The following HPSE2 variants were observed in gnomAD, a reference collection of about 807,000 sequenced individuals.
HPSE2 encodes heparanase 2 (inactive).
In HPSE2, 38 loss-of-function variants were observed where a neutral mutation model predicts 60.5. The ratio of observed to expected loss-of-function variants is 0.63; its 90% CI spans 0.48 to 0.82. The LOEUF (loss-of-function observed/expected upper bound fraction) is 0.82. HPSE2 is among the 40% of genes least tolerant of loss of function. HPSE2 has a pLI of 0.00. For missense variants in HPSE2, 713 were observed against 740.4 expected (o/e 0.96, Z 0.43); for synonymous variants, 295 against 293.2 (o/e 1.01, Z -0.06).
At chr10:98,574,579 C>A (rs1417255301) in intron 9 of HPSE2, among the ~76,000 whole-genome samples, 1 of 152,172 alleles carries the variant, frequency 6.6e-6, no homozygotes, top group Non-Finnish European at 1.5e-5. Context: ...TCTGGAACCA[C>A]TCTGATCCCA....
chr10:98,829,721 C>G (rs1411913202), intron 3 of HPSE2, among the ~76,000 whole-genome samples: 2 of 151,852 alleles, frequency 1.3e-5, no homozygotes, highest in African/African-American at 4.8e-5. Flanking sequence ...AACAAAAAAC[C>G]AAAAACTTTA....
rs572638284 is a variant in HPSE2, at chr10:98,554,923, C to T, written c.1320+59981G>A. On this transcript the variant is annotated intron_variant, in intron 9 of 11. Coordinates refer to ENST00000370552, the MANE Select transcript of HPSE2 (RefSeq NM_021828.5). The stretch of plus-strand genomic sequence containing the variant: ...ACTTTATTTGCTTAATAGTTTAAAT[C>T]ACCCAAGGCCTAACATTACTACCAA... 2.0e-5 allele frequency among the ~76,000 whole-genome samples: 3 copies of T among 152,270 alleles called. No individual in the cohort carries two copies. In the South Asian group the frequency reaches 6.2e-4, roughly 32 times the overall value.
chr10:99,313,648 G>A, the HPSE2 span, among the ~76,000 whole-genome samples: 7 of 136,574 alleles, frequency 5.1e-5, no homozygotes, highest in South Asian at 2.3e-4. Flanking sequence ...TCGCCAGGCC[G>A]GAATACAGTG....
chr10:98,975,567 C>A (rs1448576209), intron 3 of HPSE2, among the ~76,000 whole-genome samples: 2 of 151,874 alleles, frequency 1.3e-5, no homozygotes, highest in Admixed American at 1.3e-4. Flanking sequence ...ATATCTGGCT[C>A]AATCAGTGTT....
At position 99,201,710 on chromosome 10, in the gene HPSE2, C is replaced by A. The variant is rs150244338; in HGVS notation, c.448+30638G>T. 4.6e-5 allele frequency among the ~76,000 whole-genome samples: 7 copies of A among 152,168 alleles called. No individual in the cohort carries two copies. The East Asian group carries it at 1.3e-3, about 29-fold the overall frequency. ...TTTGTGAAACACAAACAAGAGTATC[C>A]CTGCCTTTCCAAATACTCCTGATTA... is the stretch of plus-strand genomic sequence containing the variant. On this transcript the variant is annotated intron_variant, in intron 2 of 11. Transcript: ENST00000370552.
At chr10:98,762,403 T>C (rs1428383422) in intron 3 of HPSE2, among the ~76,000 whole-genome samples, 1 of 151,606 alleles carries the variant, frequency 6.6e-6, no homozygotes, top group Non-Finnish European at 1.5e-5. Flanking sequence ...AGAGAGAAAA[T>C]GTTCGGGGCT....
chr10:99,008,269 T>C (rs1956935640), intron 3 of HPSE2, among the ~76,000 whole-genome samples: 1 of 152,244 alleles, frequency 6.6e-6, no homozygotes, highest in Admixed American at 6.5e-5. Context: ...TTTCTTTTTT[T>C]ACACTAGCAA....
chr10:98,989,964 G>A (rs1231739663), intron 3 of HPSE2, among the ~76,000 whole-genome samples: 1 of 152,098 alleles, frequency 6.6e-6, no homozygotes, highest in Non-Finnish European at 1.5e-5. Flanking sequence ...ATTTTGCCTA[G>A]AGTTAGCTTG....
intron 3 of HPSE2, among the ~76,000 whole-genome samples, chr10:98,762,213 C>A (rs2134390605): frequency 6.8e-6 from 1 of 147,688 alleles, no homozygotes; most frequent in South Asian, 2.1e-4. Context: ...GGAAGAATTT[C>A]CTTTTTAAAA....
chr10:98,731,742 A>G (rs2134285837), intron 4 of HPSE2, among the ~76,000 whole-genome samples: 1 of 152,332 alleles, frequency 6.6e-6, no homozygotes, highest in African/African-American at 2.4e-5. Context: ...CTTGCCACTT[A>G]AGAGTCAACA....
chr10:98,573,876 T>G (rs573186059), intron 9 of HPSE2, among the ~76,000 whole-genome samples: 2 of 152,136 alleles, frequency 1.3e-5, no homozygotes, highest in Non-Finnish European at 2.9e-5. Context: ...CTTTTTCTTA[T>G]ACAGCTGTAT....
chr10:98,874,424 T>C (rs1313682227), intron 3 of HPSE2, among the ~76,000 whole-genome samples: 1 of 151,908 alleles, frequency 6.6e-6, no homozygotes, highest in Non-Finnish European at 1.5e-5. Flanking sequence ...TTGTCTAGGG[T>C]GTAAAGGAAT....
chr10:99,009,261 A>C (rs1490516273), intron 3 of HPSE2, among the ~76,000 whole-genome samples: 4 of 151,456 alleles, frequency 2.6e-5, no homozygotes, highest in East Asian at 1.9e-4. Flanking sequence ...AAAAAAAAAA[A>C]AAAAAAACAT....
At chr10:98,909,472 T>C (rs12569584) in intron 3 of HPSE2, among the ~76,000 whole-genome samples, 3,989 of 150,876 alleles carry the variant, frequency 0.026, 132 homozygotes, top group East Asian at 0.16. Context: ...CTACTAAAGA[T>C]AGAAAAAATT....
intron 4 of HPSE2, among the ~76,000 whole-genome samples, chr10:98,734,888 T>TTCACAC (rs1949311400): frequency 1.3e-5 from 2 of 148,230 alleles, no homozygotes. Flanking sequence ...ATTTGTCCCT[T>TTCACAC]ACACACACAC....
At chr10:99,197,232 G>T (rs1848430919) in intron 2 of HPSE2, among the ~76,000 whole-genome samples, 1 of 152,148 alleles carries the variant, frequency 6.6e-6, no homozygotes, top group Admixed American at 6.6e-5. Flanking sequence ...GAAGGGTCAT[G>T]GGGGGTTGGC....
chr10:99,177,580 A>C (rs921797449), intron 2 of HPSE2, among the ~76,000 whole-genome samples: 1 of 152,172 alleles, frequency 6.6e-6, no homozygotes, highest in Non-Finnish European at 1.5e-5. Flanking sequence ...AATTATCCTA[A>C]ATGTATATGC....
chr10:98,769,453 C>G (rs1950195744), intron 3 of HPSE2, among the ~76,000 whole-genome samples: 2 of 152,160 alleles, frequency 1.3e-5, no homozygotes, highest in South Asian at 4.1e-4. Flanking sequence ...TGATGACACA[C>G]TACTCAGTTT....
chr10:99,043,197 G>C (rs886381442), intron 3 of HPSE2, among the ~76,000 whole-genome samples: 2 of 152,094 alleles, frequency 1.3e-5, no homozygotes, highest in Non-Finnish European at 2.9e-5. Flanking sequence ...TTCTTAAACA[G>C]CTGGAGGCCG....
Sources: allele counts gnomAD v4.1 joint callset (sites outside exome capture counted in the v4.1 genomes callset), GRCh38; gene constraint gnomAD v4.1.1; transcripts MANE v1.5; gene names NCBI Gene and HGNC (gene_info 2026-07-23, HGNC 2026-07-21).